MAML3: variants seen among roughly 807,000 people sequenced by gnomAD.
MAML3 encodes mastermind-like protein 3.
A neutral mutation model predicts 101.9 loss-of-function variants in MAML3; 27 were observed. The observed-to-expected ratio is 0.27, with a 90% CI of 0.20 to 0.37. The LOEUF (loss-of-function observed/expected upper bound fraction) is 0.37, where lower values mean the gene tolerates loss of function less well. MAML3 is among the 10% of genes least tolerant of loss of function. The pLI is 1.00. For synonymous variants in MAML3, 501 were observed against 555.9 expected, an observed-to-expected ratio of 0.90 and a Z score of 1.39; for missense variants, 1,316 against 1,444.9, an observed-to-expected ratio of 0.91 and a Z score of 1.45.
At chr4:139,886,244 C>G (rs1250504973) in intron 2 of MAML3, among the ~76,000 whole-genome samples, 1 of 151,844 alleles carries the variant, frequency 6.6e-6, no homozygotes, top group Non-Finnish European at 1.5e-5. Context: ...GATATTGTCT[C>G]AATCCAACTG....
intron 2 of MAML3, among the ~76,000 whole-genome samples, chr4:139,771,972 G>T (rs982411749): frequency 7.3e-5 from 11 of 151,534 alleles, no homozygotes; most frequent in Middle Eastern, 3.4e-3. Flanking sequence ...GGGCGCGGTG[G>T]CTCACGCCTG....
chr4:139,916,154 C>T (rs13131560), intron 1 of MAML3, among the ~76,000 whole-genome samples: 106,018 of 152,126 alleles, frequency 0.7, 38,474 homozygotes, highest in East Asian at 0.89. Flanking sequence ...GCCTGTGCTT[C>T]TCTGTTACAA....
intron 1 of MAML3, among the ~76,000 whole-genome samples, chr4:140,150,695 C>T (rs1489333669): frequency 6.6e-6 from 1 of 151,972 alleles, no homozygotes; most frequent in African/African-American, 2.4e-5. Context: ...CCTTCAGTGC[C>T]TCTTAAATTC....
Position 139,890,137 on chromosome 4 carries a change from C to T in MAML3, c.1299G>A (p.Arg433=). The T allele has an allele frequency of 1.2e-6, 2 of 1,613,738 alleles. No individual in the cohort carries two copies. The highest frequency in any genetic ancestry group is 1.7e-6 in the Non-Finnish European group (2 of 1,179,886). The change falls in exon 2 of 5, where the codon CGG becomes CGA. Residue 433 remains arginine (R), a synonymous_variant. Coordinates refer to ENST00000509479, the MANE Select transcript of MAML3 (RefSeq NM_018717.5). This position sits in a 1 kb window ranked among gnomAD's most constrained non-coding sequence, Gnocchi z 4.1. ...QAHTPGQAPP[R]PGNGYLLNPA... is the part of the protein sequence containing the mutation. ...GATTCAGGAGATAACCATTTCCAGG[C>T]CGAGGTGGAGCTTGGCCTGGAGTGT...
At chr4:139,758,582 T>C (rs563096552) in intron 2 of MAML3, among the ~76,000 whole-genome samples, 2 of 152,220 alleles carry the variant, frequency 1.3e-5, no homozygotes, top group Admixed American at 1.3e-4. Context: ...GACATGAGAG[T>C]TACAGCAGGT....
intron 2 of MAML3, among the ~76,000 whole-genome samples, chr4:139,866,992 G>C (rs536341646): frequency 6.6e-6 from 1 of 152,254 alleles, no homozygotes; most frequent in Non-Finnish European, 1.5e-5. Flanking sequence ...ACCTTATTAG[G>C]CACATAATGG....
intron 1 of MAML3, among the ~76,000 whole-genome samples, chr4:140,106,936 T>C (rs1728362527): frequency 6.6e-6 from 1 of 152,244 alleles, no homozygotes; most frequent in African/African-American, 2.4e-5. Context: ...AATGGCATGA[T>C]CTCGGCTCAC....
intron 1 of MAML3, among the ~76,000 whole-genome samples, chr4:140,045,975 G>T (rs902801955): frequency 3.9e-5 from 6 of 152,168 alleles, no homozygotes; most frequent in African/African-American, 1.4e-4. Context: ...CAAAGGGAGA[G>T]GAATTGCATG....
chr4:140,090,065 A>C (rs955265581), intron 1 of MAML3, among the ~76,000 whole-genome samples: 4 of 152,272 alleles, frequency 2.6e-5, no homozygotes, highest in Non-Finnish European at 4.4e-5. Flanking sequence ...CTTTGATGAC[A>C]TAATAGCTGG....
chr4:139,995,425 TTA>T (rs1175912884), intron 1 of MAML3, among the ~76,000 whole-genome samples: 1 of 152,122 alleles, frequency 6.6e-6, no homozygotes, highest in African/African-American at 2.4e-5. Flanking sequence ...AATGAAGGAT[TTA>T]TATATATATG....
intron 1 of MAML3, among the ~76,000 whole-genome samples, chr4:139,908,822 T>TAA (rs1308878424): frequency 6.6e-6 from 1 of 152,224 alleles, no homozygotes; most frequent in Non-Finnish European, 1.5e-5. Context: ...ACTCTGAGCT[T>TAA]AACTTCTATC....
chr4:140,007,970 T>G (rs1362195500), intron 1 of MAML3, among the ~76,000 whole-genome samples: 1 of 152,204 alleles, frequency 6.6e-6, no homozygotes, highest in African/African-American at 2.4e-5. Context: ...TTGGGCAGCG[T>G]TGTCAATTTG....
chr4:139,989,054 A>G (rs1734610270), intron 1 of MAML3, among the ~76,000 whole-genome samples: 1 of 152,148 alleles, frequency 6.6e-6, no homozygotes, highest in African/African-American at 2.4e-5. Context: ...ACTAAATTGC[A>G]AGTCGCCTCA....
At chr4:139,826,148 C>T (rs41333744) in intron 2 of MAML3, among the ~76,000 whole-genome samples, 6,171 of 152,038 alleles carry the variant, frequency 0.041, 380 homozygotes, top group African/African-American at 0.13. Context: ...ATTGTGCTCT[C>T]GGTGTCTTTG....
chr4:139,776,197 T>C (rs1208813430), intron 2 of MAML3, among the ~76,000 whole-genome samples: 1 of 152,254 alleles, frequency 6.6e-6, no homozygotes, highest in Admixed American at 6.5e-5. Context: ...TAATTTATGG[T>C]ATTTTGCTCT....
intron 1 of MAML3, among the ~76,000 whole-genome samples, chr4:139,971,944 C>T (rs1358359141): frequency 6.6e-5 from 10 of 152,326 alleles, no homozygotes; most frequent in Admixed American, 6.5e-4. Context: ...TCTCAGAACC[C>T]ATTTTAGCTT....
intron 2 of MAML3, among the ~76,000 whole-genome samples, chr4:139,843,322 T>C (rs1382951005): frequency 6.6e-6 from 1 of 152,162 alleles, no homozygotes; most frequent in African/African-American, 2.4e-5. Flanking sequence ...GCTGAGTACA[T>C]ACTAAGATGT....
intron 1 of MAML3, among the ~76,000 whole-genome samples, chr4:139,994,252 G>C (rs1734758063): frequency 6.6e-6 from 1 of 152,148 alleles, no homozygotes; most frequent in Non-Finnish European, 1.5e-5. Flanking sequence ...ATATTTTACA[G>C]TTTTCAGTGT....
At chr4:139,996,479 G>A (rs901556154) in intron 1 of MAML3, among the ~76,000 whole-genome samples, 31 of 151,958 alleles carry the variant, frequency 2.0e-4, no homozygotes, top group Non-Finnish European at 4.0e-4. Flanking sequence ...CATAGTTGGT[G>A]TATATTCTTG....
Sources: gnomAD v4.1 joint callset for allele counts (sites outside exome capture counted in the v4.1 genomes callset) on GRCh38, gnomAD v4.1.1 for gene constraint, Gnocchi (gnomAD v3.1) non-coding constraint, MANE v1.5 for transcripts, NCBI Gene and HGNC (gene_info 2026-07-23, HGNC 2026-07-21) for gene names.